The following AKAP12 variants were observed in gnomAD, a reference collection of about 807,000 sequenced individuals.
AKAP12 encodes A-kinase anchoring protein 12, also known as A-kinase anchor protein 12.
A neutral mutation model predicts 79.9 loss-of-function variants in AKAP12; 32 were observed. That is an observed-to-expected ratio of 0.40 (90% CI 0.30 to 0.54). The LOEUF is 0.54. AKAP12 is among the 20% of genes least tolerant of loss of function. AKAP12 has a pLI of 0.48. For missense variants in AKAP12, 2,074 were observed against 2,177.0 expected, an observed-to-expected ratio of 0.95 and a Z score of 0.94; for synonymous variants, 808 against 857.0, an observed-to-expected ratio of 0.94 and a Z score of 1.00.
chr6:151,307,983 C>A (rs961561659), intron 3 of AKAP12, among the ~76,000 whole-genome samples: 21 of 152,034 alleles, frequency 1.4e-4, no homozygotes, highest in Non-Finnish European at 5.9e-5. Flanking sequence ...CCTCCGGCTC[C>A]AGTGATTCTC....
At chr6:151,244,377 A>G (rs1308599660) in intron 2 of AKAP12, among the ~76,000 whole-genome samples, 2 of 152,146 alleles carry the variant, frequency 1.3e-5, no homozygotes, top group Admixed American at 6.5e-5. Context: ...ACAAAAAATT[A>G]GCCAGGCGTG....
intron 2 of AKAP12, among the ~76,000 whole-genome samples, chr6:151,254,647 C>CA (rs1236261321): frequency 1.3e-5 from 2 of 152,106 alleles, no homozygotes; most frequent in African/African-American, 4.8e-5. Flanking sequence ...GGCCTTAGAT[C>CA]AGTCTTCATT....
At chr6:151,273,885 C>T (rs907584551) in intron 2 of AKAP12, among the ~76,000 whole-genome samples, 4 of 151,854 alleles carry the variant, frequency 2.6e-5, no homozygotes, top group South Asian at 4.2e-4. Flanking sequence ...GAAAATTAGC[C>T]GGGTATGGTG....
intron 3 of AKAP12, among the ~76,000 whole-genome samples, chr6:151,321,806 T>C (rs1777394694): frequency 6.6e-6 from 1 of 152,148 alleles, no homozygotes; most frequent in African/African-American, 2.4e-5. Flanking sequence ...CCAATAGCGA[T>C]GTGTGAGGGT....
At chr6:151,343,338 A>G (rs1223104657) in intron 3 of AKAP12, among the ~76,000 whole-genome samples, 1 of 152,150 alleles carries the variant, frequency 6.6e-6, no homozygotes, top group African/African-American at 2.4e-5. Context: ...TATGTAATTT[A>G]TGTTTGTATT....
chr6:151,328,903 A>T (rs1406562312), intron 3 of AKAP12, among the ~76,000 whole-genome samples: 1 of 152,102 alleles, frequency 6.6e-6, no homozygotes, highest in Non-Finnish European at 1.5e-5. Context: ...CCCCTGCCAC[A>T]CACACAACCC....
At chr6:151,250,825 C>T (rs900193228) in intron 2 of AKAP12, among the ~76,000 whole-genome samples, 2 of 151,936 alleles carry the variant, frequency 1.3e-5, no homozygotes, top group Non-Finnish European at 2.9e-5. Flanking sequence ...CCAGGATGGT[C>T]TCAATCTCCT....
intron 2 of AKAP12, among the ~76,000 whole-genome samples, chr6:151,302,348 G>A (rs115679295): frequency 6.6e-6 from 1 of 151,986 alleles, no homozygotes; most frequent in African/African-American, 2.4e-5. Context: ...ATTTGGAGAC[G>A]AGGGTCTCTC....
At chr6:151,348,680 TCCCCA>T in intron 3 of AKAP12, 26 bp from the exon 4 acceptor site, 5 of 355,202 alleles carry the variant, frequency 1.4e-5, no homozygotes, top group East Asian at 5.8e-5. Context: ...TTTTCTCTTC[TCCCCA>T]CCCCCCCGCC....
At position 151,248,014 on chromosome 6, in the gene AKAP12, G is replaced by T. The variant is rs113867601; in HGVS notation, c.162+7290G>T. Among the ~76,000 whole-genome samples the T allele has an allele frequency of 2.7e-3, 407 of 152,082 alleles. 2 individuals carry two copies. The highest frequency in any genetic ancestry group is 8.7e-3 in the African/African-American group (361 of 41,378). On this transcript the variant is annotated intron_variant, in intron 2 of 4. Coordinates refer to ENST00000402676, the MANE Select transcript of AKAP12 (RefSeq NM_005100.4). ...TAATCCCAGTTGTAGTAGCATGTCA[G>T]TTTCATGTTTGATTTCAAAACGAAA... is the stretch of plus-strand genomic sequence containing the variant.
chr6:151,322,922 T>C (rs1016505689), intron 3 of AKAP12, among the ~76,000 whole-genome samples: 40 of 152,368 alleles, frequency 2.6e-4, no homozygotes, highest in African/African-American at 8.2e-4. Context: ...ATCTATGTAT[T>C]ATACAGCAAA....
At chr6:151,348,385 TC>T (rs1192841709) in intron 3 of AKAP12, 1 of 488,332 alleles carries the variant, frequency 2.0e-6, no homozygotes, top group African/African-American at 2.0e-5. Context: ...ACACTTGTAA[TC>T]CCACTGCTTT....
chr6:151,296,951 T>C (rs1429456898), intron 2 of AKAP12, among the ~76,000 whole-genome samples: 1 of 152,134 alleles, frequency 6.6e-6, no homozygotes, highest in African/African-American at 2.4e-5. Context: ...CGTCTTATTT[T>C]CAGCCTACTT....
At chr6:151,252,863 A>T (rs1797212747) in intron 2 of AKAP12, among the ~76,000 whole-genome samples, 1 of 152,216 alleles carries the variant, frequency 6.6e-6, no homozygotes, top group African/African-American at 2.4e-5. Flanking sequence ...TGCACCTAAA[A>T]AATGAAAGAG....
At chr6:151,301,048 C>T (rs781005931) in intron 2 of AKAP12, among the ~76,000 whole-genome samples, 1 of 152,188 alleles carries the variant, frequency 6.6e-6, no homozygotes, top group Non-Finnish European at 1.5e-5. Context: ...TTTCCTCCTT[C>T]TTTCTTGTTT....
At chr6:151,258,652 A>G (rs968593900) in intron 2 of AKAP12, among the ~76,000 whole-genome samples, 8 of 152,026 alleles carry the variant, frequency 5.3e-5, no homozygotes, top group Non-Finnish European at 1.2e-4. Flanking sequence ...TATTTTATTA[A>G]TTTATTTATT....
chr6:151,277,171 T>C (rs1776304861), intron 2 of AKAP12, among the ~76,000 whole-genome samples: 1 of 152,206 alleles, frequency 6.6e-6, no homozygotes, highest in Non-Finnish European at 1.5e-5. Context: ...GCTCCAGATG[T>C]CCACCGTAGC....
At chr6:151,254,724 C>T (rs868240381) in intron 2 of AKAP12, among the ~76,000 whole-genome samples, 9 of 152,210 alleles carry the variant, frequency 5.9e-5, no homozygotes, top group East Asian at 1.9e-4. Context: ...GTTTGATATT[C>T]GTTAAAGACT....
intron 2 of AKAP12, among the ~76,000 whole-genome samples, chr6:151,275,072 T>C (rs9371499): frequency 0.5 from 76,556 of 151,756 alleles, 19,409 homozygotes; most frequent in Admixed American, 0.56. Context: ...CCACTGCACT[T>C]CAGCCTGGGT....
Sources: allele counts gnomAD v4.1 joint callset (sites outside exome capture counted in the v4.1 genomes callset), GRCh38; gene constraint gnomAD v4.1.1; transcripts MANE v1.5; gene names NCBI Gene and HGNC (gene_info 2026-07-23, HGNC 2026-07-21).